CSMD1: variants seen among roughly 807,000 people sequenced by gnomAD.
The protein encoded by CSMD1 is CUB and Sushi multiple domains 1, also known as CUB and sushi domain-containing protein 1.
A neutral mutation model predicts 417.5 loss-of-function variants in CSMD1; 213 were observed. The ratio of observed to expected loss-of-function variants is 0.51; its 90% CI spans 0.46 to 0.57. The LOEUF (loss-of-function observed/expected upper bound fraction) is 0.57. Among genes scored for constraint, CSMD1 ranks in the 20% least tolerant of loss-of-function variants. CSMD1 has a pLI of 0.00. For missense variants in CSMD1, 6,923 were observed against 4,529.7 expected, an observed-to-expected ratio of 1.53 and a Z score of -15.17; for synonymous variants, 2,862 against 1,736.8, an observed-to-expected ratio of 1.65 and a Z score of -16.11.
At chr8:3,755,913 C>T (rs1419711766) in intron 5 of CSMD1, among the ~76,000 whole-genome samples, 1 of 152,042 alleles carries the variant, frequency 6.6e-6, no homozygotes, top group East Asian at 1.9e-4. Context: ...CATATTTAAT[C>T]ACCTTTTTTT....
intron 2 of CSMD1, among the ~76,000 whole-genome samples, chr8:4,477,482 C>G (rs549932423): frequency 6.6e-6 from 1 of 152,190 alleles, no homozygotes; most frequent in Admixed American, 6.5e-5. Flanking sequence ...TATTTAATCA[C>G]TATAATTAAA....
At chr8:4,460,784 A>G (rs1799767462) in intron 2 of CSMD1, among the ~76,000 whole-genome samples, 1 of 152,218 alleles carries the variant, frequency 6.6e-6, no homozygotes, top group Admixed American at 6.5e-5. Context: ...TAGTAATTTT[A>G]AAATTATGCT....
At chr8:3,509,931 G>T (rs555734421) in intron 10 of CSMD1, among the ~76,000 whole-genome samples, 2 of 152,222 alleles carry the variant, frequency 1.3e-5, no homozygotes, top group East Asian at 3.9e-4. Context: ...TAAGTTGCTG[G>T]CATTTCAGCC....
intron 1 of CSMD1, among the ~76,000 whole-genome samples, chr8:4,761,439 G>A (rs1247988821): frequency 6.6e-6 from 1 of 151,874 alleles, no homozygotes; most frequent in Non-Finnish European, 1.5e-5. Context: ...ATATGTTGCT[G>A]AAATAAATTT....
chr8:4,190,839 G>A (rs1007022191), intron 3 of CSMD1, among the ~76,000 whole-genome samples: 5 of 151,954 alleles, frequency 3.3e-5, no homozygotes, highest in African/African-American at 1.2e-4. Context: ...TTCGCAAACT[G>A]ATGCAGGAAC....
At chr8:3,889,452 C>CATATATATATATAT (rs1171842639) in intron 5 of CSMD1, among the ~76,000 whole-genome samples, 6 of 45,402 alleles carry the variant, frequency 1.3e-4, no homozygotes, top group African/African-American at 3.5e-4. Context: ...CTGATCTTTC[C>CATATATATATATAT]ATATATATAT....
chr8:3,408,068 C>T lies in CSMD1; in HGVS notation c.1902G>A (p.Gln634=), dbSNP rs10088378. The change falls in exon 14 of 70, where the codon CAG becomes CAA. Residue 634 remains glutamine, a synonymous_variant. Coordinates refer to ENST00000635120, the MANE Select transcript of CSMD1 (RefSeq NM_033225.6). ...CATCCTTGACCGCGAGAAAGTCAAA[C>T]TGAGGCTCAACATCAAAATCATTAA... The part of the protein sequence containing the change: ...LIFNDFDVEP[Q]FDFLAVKDDG... 0.65 allele frequency: 1,054,854 copies of T among 1,613,398 alleles called. 347,504 individuals carry two copies. The highest frequency in any genetic ancestry group is 0.76 in the Middle Eastern group (4,615 of 6,062).
chr8:3,332,175 C>T (rs373239321), intron 23 of CSMD1, among the ~76,000 whole-genome samples: 9 of 152,168 alleles, frequency 5.9e-5, no homozygotes, highest in South Asian at 2.1e-4. Flanking sequence ...ATTAGATGCA[C>T]GGATATTATC....
chr8:3,352,292 C>G (rs1312848043), intron 21 of CSMD1, among the ~76,000 whole-genome samples: 1 of 152,118 alleles, frequency 6.6e-6, no homozygotes, highest in Non-Finnish European at 1.5e-5. Flanking sequence ...CAGCCTGAAC[C>G]AGGTTGCAGG....
intron 3 of CSMD1, among the ~76,000 whole-genome samples, chr8:4,167,511 T>C (rs1014310933): frequency 3.3e-5 from 5 of 152,170 alleles, no homozygotes; most frequent in Non-Finnish European, 1.5e-5. Context: ...TTTTCTAAAA[T>C]GTATGTAGCT....
chr8:4,091,073 A>C (rs1316976058), intron 3 of CSMD1, among the ~76,000 whole-genome samples: 2 of 151,804 alleles, frequency 1.3e-5, no homozygotes, highest in Non-Finnish European at 2.9e-5. Context: ...CACCCACCAC[A>C]ATGCCCAGCT....
intron 1 of CSMD1, among the ~76,000 whole-genome samples, chr8:4,939,479 C>T (rs1807837238): frequency 6.6e-6 from 1 of 152,204 alleles, no homozygotes; most frequent in African/African-American, 2.4e-5. Flanking sequence ...AAAAAGAAGA[C>T]AGTCCTGTCA....
chr8:3,302,064 G>C (rs1317555698), intron 25 of CSMD1, among the ~76,000 whole-genome samples: 1 of 152,094 alleles, frequency 6.6e-6, no homozygotes, highest in Non-Finnish European at 1.5e-5. Flanking sequence ...GGAGAAATAA[G>C]CAACAGCAGA....
At chr8:3,784,824 C>G (rs778535688) in intron 5 of CSMD1, among the ~76,000 whole-genome samples, 1 of 152,210 alleles carries the variant, frequency 6.6e-6, no homozygotes, top group Non-Finnish European at 1.5e-5. Flanking sequence ...TGCACCATTT[C>G]CGCTGATTTT....
At chr8:3,400,157 C>T (rs1421844918) in intron 15 of CSMD1, among the ~76,000 whole-genome samples, 1 of 152,166 alleles carries the variant, frequency 6.6e-6, no homozygotes, top group African/African-American at 2.4e-5. Flanking sequence ...TATATAATTA[C>T]TGCTCAGTGA....
rs570527216 is a variant in CSMD1, at chr8:4,873,802, T to C, written c.85+120530A>G. ...ACTGTGTTTGAAGCTGGAATCAACA[T>C]AAAGGCCATTTCTTATAAGTTGTTT... On this transcript the variant is annotated intron_variant, in intron 1 of 69. Coordinates refer to ENST00000635120, the MANE Select transcript of CSMD1 (RefSeq NM_033225.6). 2.6e-5 allele frequency among the ~76,000 whole-genome samples: 4 copies of C among 152,228 alleles called. No homozygotes were observed. The South Asian group carries it at 8.3e-4, about 32-fold the overall frequency.
Position 4,312,408 on chromosome 8 carries a change from CGT to C in CSMD1, c.415+107543_415+107544del, listed in dbSNP as rs1491124523. On this transcript the variant is annotated intron_variant, in intron 3 of 69. Coordinates refer to ENST00000635120, the MANE Select transcript of CSMD1 (RefSeq NM_033225.6). Reference sequence around the variant, plus strand: ...ATATATATATACATACATATATATGCGTGTATATATATGCGCGTATATATATA... The same window carrying C: ...ATATATATATACATACATATATATGCGTATATATATGCGCGTATATATATA... 3.3e-5 allele frequency among the ~76,000 whole-genome samples: 4 copies of C among 122,900 alleles called. 1 individual carries two copies. The highest frequency in any genetic ancestry group is 6.2e-5 in the Non-Finnish European group (4 of 64,806). 80.6% of individuals were successfully genotyped at this position (122,900 alleles called of 152,430 possible). A position where few individuals can be genotyped will look rare whatever the true frequency, so the allele number is the denominator to read the frequency against.
Position 3,479,429 on chromosome 8 carries a change from C to T in CSMD1, c.1449-10605G>A, listed in dbSNP as rs187869782. ...CCAAGTGGCTGGGATTACAGGCATG[C>T]ACCACCATGCCCAGCTAATTTTGTA... On this transcript the variant is annotated intron_variant, in intron 11 of 69. Coordinates refer to ENST00000635120, the MANE Select transcript of CSMD1 (RefSeq NM_033225.6). 2.0e-5 allele frequency among the ~76,000 whole-genome samples: 3 copies of T among 152,172 alleles called. No individual in the cohort carries two copies. The East Asian group carries it at 5.8e-4, about 30-fold the overall frequency.
chr8:4,181,208 C>A (rs1290033770), intron 3 of CSMD1, among the ~76,000 whole-genome samples: 2 of 152,068 alleles, frequency 1.3e-5, no homozygotes, highest in African/African-American at 4.8e-5. Flanking sequence ...CCATATAGCA[C>A]CGATGATTTA....
Sources: allele counts gnomAD v4.1 joint callset (sites outside exome capture counted in the v4.1 genomes callset), GRCh38; gene constraint gnomAD v4.1.1; transcripts MANE v1.5; gene names NCBI Gene and HGNC (gene_info 2026-07-23, HGNC 2026-07-21).